STN1: variants seen among roughly 807,000 people sequenced by gnomAD.
The protein encoded by STN1 is CST complex subunit STN1.
A neutral mutation model predicts 45.5 loss-of-function variants in STN1; 29 were observed. That is an observed-to-expected ratio of 0.64 (90% confidence interval 0.47 to 0.87). The LOEUF is 0.87. Ranked by LOEUF, STN1 falls within the 40% of genes least tolerant of loss-of-function variation. STN1 has a pLI of 0.00. For synonymous variants in STN1, 148 were observed against 159.0 expected, an observed-to-expected ratio of 0.93 and a Z score of 0.52; for missense variants, 376 against 441.4, an observed-to-expected ratio of 0.85 and a Z score of 1.33.
chr10:103,914,020 C>G (rs1014816201), intron 2 of STN1, among the ~76,000 whole-genome samples: 26 of 152,134 alleles, frequency 1.7e-4, no homozygotes. Flanking sequence ...AGACATTTGA[C>G]TGTTTTCTCT....
intron 9 of STN1, among the ~76,000 whole-genome samples, chr10:103,884,679 C>G (rs1166347578): frequency 1.3e-5 from 2 of 152,076 alleles, no homozygotes; most frequent in Non-Finnish European, 2.9e-5. Context: ...GGAAGGTGCT[C>G]GAAGAGGTAT....
chr10:103,914,439 A>G (rs1843314931), intron 2 of STN1, among the ~76,000 whole-genome samples: 1 of 142,222 alleles, frequency 7.0e-6, no homozygotes, highest in Non-Finnish European at 1.5e-5. Context: ...CAGTGGTACA[A>G]TCACAGCTTA....
At chr10:103,904,032 G>A (rs768794454) in intron 4 of STN1, among the ~76,000 whole-genome samples, 4 of 148,934 alleles carry the variant, frequency 2.7e-5, no homozygotes, top group Non-Finnish European at 4.5e-5. Flanking sequence ...TCCATTGATC[G>A]GTATAGTCAA....
At chr10:103,902,142 G>A (rs1843213552) in intron 4 of STN1, among the ~76,000 whole-genome samples, 1 of 151,886 alleles carries the variant, frequency 6.6e-6, no homozygotes, top group Admixed American at 6.6e-5. Flanking sequence ...CTATACCCAG[G>A]GAAACAGCAA....
chr10:103,902,914 T>C (rs957906325), intron 4 of STN1, among the ~76,000 whole-genome samples: 5 of 152,240 alleles, frequency 3.3e-5, no homozygotes, highest in Non-Finnish European at 7.3e-5. Context: ...CCTACTGTGA[T>C]TGTTCATCCA....
chr10:103,912,668 T>C (rs1230088671), intron 2 of STN1, among the ~76,000 whole-genome samples: 1 of 152,252 alleles, frequency 6.6e-6, no homozygotes, highest in Non-Finnish European at 1.5e-5. Context: ...TTTGGTGGTC[T>C]AGGTTTGCTG....
At chr10:103,889,483 C>T (rs1007018146) in intron 8 of STN1, among the ~76,000 whole-genome samples, 9 of 151,604 alleles carry the variant, frequency 5.9e-5, no homozygotes, top group African/African-American at 2.2e-4. Context: ...TCAAGGCCTC[C>T]AATCTCCACC....
At chr10:103,906,907 T>A (rs1407038931) in intron 3 of STN1, among the ~76,000 whole-genome samples, 1 of 152,232 alleles carries the variant, frequency 6.6e-6, no homozygotes, top group Non-Finnish European at 1.5e-5. Flanking sequence ...GAGTATAAAT[T>A]AGTAACACAT....
intron 2 of STN1, among the ~76,000 whole-genome samples, chr10:103,910,927 G>A (rs1001598197): frequency 1.1e-4 from 17 of 151,706 alleles, no homozygotes; most frequent in African/African-American, 3.9e-4. Context: ...CCTGAAAACA[G>A]TCATTATACT....
chr10:103,878,794 C>T lies in STN1; in HGVS notation c.*3890G>A, dbSNP rs1274017768. ...TGTGAACATAGTGTTAGTTTGTGTT[C>T]ATCCAGGAGCCAATCCTGAGACAGA... On this transcript the variant is annotated 3_prime_UTR_variant, in exon 10 of 10. Transcript: ENST00000224950. 6.6e-6 allele frequency: 1 copy of T among 152,262 alleles called. No homozygotes were observed. Among genetic ancestry groups the T allele is most frequent in the Admixed American group, 6.5e-5 (1 of 15,284 alleles). The allele number at this position is 152,262 out of a possible 1,614,324, so 9.4% of individuals were successfully genotyped here.
In STN1 at chr10:103,899,995, G is replaced by A. The variant is rs941619006; in HGVS notation, c.457+67C>T. Reference sequence around the variant, plus strand: ...CTTTTTGAAAGTTTGACTTCCAGCTGAACAAGAGGTTTACTGGACGCACAT... The same window carrying A: ...CTTTTTGAAAGTTTGACTTCCAGCTAAACAAGAGGTTTACTGGACGCACAT... On this transcript the variant is annotated intron_variant, in intron 5 of 9. Coordinates refer to ENST00000224950, the MANE Select transcript of STN1 (RefSeq NM_024928.5). 1.3e-5 allele frequency: 19 copies of A among 1,505,174 alleles called. No individual in the cohort carries two copies. In the African/African-American group the frequency reaches 2.6e-4, roughly 21 times the overall value. The allele number at this position is 1,505,174 out of a possible 1,614,324, so 93.2% of individuals were successfully genotyped here.
In STN1 at chr10:103,882,908, C is replaced by A; in HGVS notation, c.950-67G>T. ...CAGGCCCTCCTCTGTCCTCTCCATA[C>A]CTGACTTGGCATCTGCATTCTGACC... is the stretch of plus-strand genomic sequence containing the variant. On this transcript the variant is annotated intron_variant, in intron 9 of 9. Coordinates refer to ENST00000224950, the MANE Select transcript of STN1 (RefSeq NM_024928.5). The A allele has an allele frequency of 2.0e-6, 3 of 1,477,570 alleles. 1 individual carries two copies. The highest frequency in any genetic ancestry group is 2.6e-5 in the South Asian group (2 of 75,546). The allele number at this position is 1,477,570 out of a possible 1,614,324, so 91.5% of individuals were successfully genotyped here. A position where few individuals can be genotyped will look rare whatever the true frequency, so the allele number is the denominator to read the frequency against.
At chr10:103,910,977 G>A (rs1228117588) in intron 2 of STN1, among the ~76,000 whole-genome samples, 2 of 149,668 alleles carry the variant, frequency 1.3e-5, no homozygotes, top group African/African-American at 4.9e-5. Context: ...GCAACTAGAA[G>A]GAAAGAGAGA....
At chr10:103,886,872 G>A (rs893333718) in intron 9 of STN1, among the ~76,000 whole-genome samples, 2 of 152,186 alleles carry the variant, frequency 1.3e-5, no homozygotes, top group African/African-American at 4.8e-5. Context: ...TGGCAAAGCC[G>A]GGATTCAAAC....
rs1053405474 is a variant in STN1, at chr10:103,880,191, G to A, written c.*2493C>T. On this transcript the variant is annotated 3_prime_UTR_variant, in exon 10 of 10. Coordinates refer to ENST00000224950, the MANE Select transcript of STN1 (RefSeq NM_024928.5). The stretch of plus-strand genomic sequence containing the variant: ...ATGAAACAGTTTTCAACAGAGAGGA[G>A]ACGTGGGGGTGGTCCCCCTACCCAA... Among the ~76,000 whole-genome samples, 4 of 152,350 alleles carry A rather than the reference G, an allele frequency of 2.6e-5. No individual in the cohort carries two copies. Among genetic ancestry groups the A allele is most frequent in the African/African-American group, 9.6e-5 (4 of 41,572 alleles).
chr10:103,892,660 T>C lies in STN1; in HGVS notation c.754-408A>G, dbSNP rs148568407. Reference sequence around the variant, plus strand: ...CTTCCTAGGGACTTCAAAGATTTTTTGTATGTTGGAATAATTTGGGGATTC... The same window carrying C: ...CTTCCTAGGGACTTCAAAGATTTTTCGTATGTTGGAATAATTTGGGGATTC... On this transcript the variant is annotated intron_variant, in intron 7 of 9. Transcript: ENST00000224950. Among the ~76,000 whole-genome samples the C allele has an allele frequency of 2.0e-5, 3 of 152,328 alleles. No homozygotes were observed. The East Asian group carries it at 5.8e-4, about 29-fold the overall frequency.
chr10:103,887,505 GA>G (rs1843111733), intron 9 of STN1, among the ~76,000 whole-genome samples: 3 of 152,140 alleles, frequency 2.0e-5, no homozygotes, highest in African/African-American at 7.2e-5. Context: ...GGCTTTTCAT[GA>G]GGGGCATACG....
chr10:103,909,664 T>C (rs1408585320), intron 3 of STN1, among the ~76,000 whole-genome samples: 3 of 151,726 alleles, frequency 2.0e-5, no homozygotes, highest in African/African-American at 4.8e-5. Context: ...TGCAATAATA[T>C]TGTATCTACA....
intron 5 of STN1, 171 bp downstream of exon 5, chr10:103,899,891 G>GT: frequency 1.8e-6 from 1 of 554,792 alleles, no homozygotes; most frequent in East Asian, 3.1e-5. Context: ...CAAAATAAAA[G>GT]TAAGAAATGC....
Sources: allele counts gnomAD v4.1 joint callset (sites outside exome capture counted in the v4.1 genomes callset), GRCh38; gene constraint gnomAD v4.1.1; transcripts MANE v1.5; gene names NCBI Gene and HGNC (gene_info 2026-07-23, HGNC 2026-07-21).